Variants in DNAH7 observed in about 807,000 individuals in gnomAD.
DNAH7 encodes dynein axonemal heavy chain 7.
A neutral mutation model predicts 444.6 loss-of-function variants in DNAH7; 397 were observed. The ratio of observed to expected loss-of-function variants is 0.89; its 90% CI spans 0.82 to 0.97. The LOEUF is 0.97. Ranked by LOEUF, DNAH7 falls within the 50% of genes least tolerant of loss-of-function variation. DNAH7 has a pLI of 0.00. For missense variants in DNAH7, 4,902 were observed against 4,800.8 expected, an observed-to-expected ratio of 1.02 and a Z score of -0.62; for synonymous variants, 1,636 against 1,624.4, an observed-to-expected ratio of 1.01 and a Z score of -0.17.
chr2:195,948,873 T>C (rs528277437), intron 19 of DNAH7, among the ~76,000 whole-genome samples: 2 of 152,330 alleles, frequency 1.3e-5, no homozygotes, highest in East Asian at 1.9e-4. Flanking sequence ...AATCTATTAA[T>C]TACTTTGGGC....
At chr2:195,953,143 G>C (rs554450267) in intron 19 of DNAH7, among the ~76,000 whole-genome samples, 1 of 152,204 alleles carries the variant, frequency 6.6e-6, no homozygotes, top group South Asian at 2.1e-4. Flanking sequence ...TGTTGATGTT[G>C]ATGCTAATCC....
At chr2:195,933,666 G>T (rs549633866) in intron 21 of DNAH7, among the ~76,000 whole-genome samples, 1 of 146,352 alleles carries the variant, frequency 6.8e-6, no homozygotes, top group Non-Finnish European at 1.5e-5. Context: ...ACCAAACACC[G>T]CATGTTCTCA....
At position 195,864,653 on chromosome 2, in the gene DNAH7, G is replaced by A. The variant is rs779172371; in HGVS notation, c.7002C>T (p.Arg2334=). 4 of 1,614,080 alleles carry A rather than the reference G, an allele frequency of 2.5e-6. No individual in the cohort carries two copies. In the African/African-American group the frequency reaches 5.3e-5, roughly 22 times the overall value. The change falls in exon 41 of 65, where the codon CGC becomes CGT. Residue 2334 remains arginine, a synonymous_variant. Coordinates refer to ENST00000312428, the MANE Select transcript of DNAH7 (RefSeq NM_018897.3). ...CAACCCCTACTAGGAGAGCATGGCT[G>A]CGAGGCTGCTTCAGGATCCTGGAAA... ...SRISRILKQP[R]SHALLVGVGG... is the part of the protein sequence containing the mutation.
chr2:195,845,891 A>G (rs1182142600), intron 46 of DNAH7, among the ~76,000 whole-genome samples: 1 of 152,250 alleles, frequency 6.6e-6, no homozygotes, highest in Non-Finnish European at 1.5e-5. Context: ...TGTAAAACCT[A>G]AAACTATAAA....
intron 49 of DNAH7, among the ~76,000 whole-genome samples, chr2:195,818,514 C>CT (rs200035800): frequency 4.6e-5 from 7 of 152,216 alleles, no homozygotes; most frequent in Admixed American, 2.6e-4. Context: ...GCTGAGGACT[C>CT]TTTTTTTAAA....
intron 4 of DNAH7, 77 bp from the exon 5 acceptor site, chr2:196,047,576 G>T (rs1669068925): frequency 1.6e-5 from 20 of 1,219,852 alleles, no homozygotes; most frequent in Admixed American, 2.8e-5. Context: ...CTTAAAATAA[G>T]ATGCTAAATC....
At chr2:195,865,145 A>G in intron 40 of DNAH7, 124 bp from the exon 41 acceptor site, 1 of 878,720 alleles carries the variant, frequency 1.1e-6, no homozygotes, top group Non-Finnish European at 1.7e-6. Flanking sequence ...TATTAAAAGT[A>G]TATCCAAATA....
chr2:196,008,410 A>T (rs1694515945), intron 10 of DNAH7, among the ~76,000 whole-genome samples: 1 of 152,196 alleles, frequency 6.6e-6, no homozygotes, highest in Non-Finnish European at 1.5e-5. Context: ...CATATAACCC[A>T]GCAATTTCAC....
intron 29 of DNAH7, among the ~76,000 whole-genome samples, chr2:195,896,768 CTT>C (rs1702343468): frequency 6.6e-6 from 1 of 152,184 alleles, no homozygotes; most frequent in Non-Finnish European, 1.5e-5. Flanking sequence ...AATCTGAACT[CTT>C]TCCTTGTTGA....
At chr2:195,876,053 C>A (rs963532947) in intron 37 of DNAH7, among the ~76,000 whole-genome samples, 2 of 152,152 alleles carry the variant, frequency 1.3e-5, no homozygotes, top group Non-Finnish European at 1.5e-5. Context: ...ATTCTCATTA[C>A]TAATCTTCGT....
At chr2:195,848,916 T>C (rs1446786233) in intron 46 of DNAH7, among the ~76,000 whole-genome samples, 4 of 152,242 alleles carry the variant, frequency 2.6e-5, no homozygotes, top group Non-Finnish European at 4.4e-5. Flanking sequence ...TTTTTAACTG[T>C]TATTTAAAAT....
chr2:195,939,118 G>T (rs1346673990), intron 19 of DNAH7, among the ~76,000 whole-genome samples: 2 of 152,050 alleles, frequency 1.3e-5, no homozygotes, highest in African/African-American at 4.8e-5. Flanking sequence ...TATTTGAAGT[G>T]ACTAATATGG....
Position 196,043,900 on chromosome 2 carries a change from A to C in DNAH7, c.398+3452T>G, listed in dbSNP as rs1412301059. On this transcript the variant is annotated intron_variant, in intron 5 of 64. Transcript: ENST00000312428. Reference sequence around the variant, plus strand: ...AATGGCCATAATTTAAAAATCAAAAAATAATAGATGTTGGCGTGGATGTGT... The same window carrying C: ...AATGGCCATAATTTAAAAATCAAAACATAATAGATGTTGGCGTGGATGTGT... 3.9e-5 allele frequency among the ~76,000 whole-genome samples: 6 copies of C among 152,098 alleles called. No homozygotes were observed. The East Asian group carries it at 9.6e-4, about 24-fold the overall frequency.
In DNAH7 at chr2:195,873,678, T is replaced by C; in HGVS notation, c.6303A>G (p.Pro2101=). ...AATGTCGCATGTATCGAGGAGTTAC[T>C]GGATTTCGACCACCACCTAAATATT... ...AMGPPGGGRN[P]VTPRYMRHFN... Residue 2101 remains proline, a synonymous_variant, in exon 39 of 65, where the codon CCA becomes CCG. Transcript: ENST00000312428. The C allele has an allele frequency of 6.5e-7, 1 of 1,532,732 alleles. No individual in the cohort carries two copies. Among genetic ancestry groups the C allele is most frequent in the Non-Finnish European group, 8.7e-7 (1 of 1,148,344 alleles). The allele number at this position is 1,532,732 out of a possible 1,614,324, so 94.9% of individuals were successfully genotyped here. A position where few individuals can be genotyped will look rare whatever the true frequency, so the allele number is the denominator to read the frequency against.
At chr2:195,792,774 T>A (rs1574443284) in intron 57 of DNAH7, among the ~76,000 whole-genome samples, 1 of 152,012 alleles carries the variant, frequency 6.6e-6, no homozygotes, top group East Asian at 1.9e-4. Context: ...CTTATCTAAT[T>A]TACATGCACC....
chr2:195,747,533 C>A (rs1323800824), intron 63 of DNAH7, among the ~76,000 whole-genome samples: 7 of 151,874 alleles, frequency 4.6e-5, no homozygotes, highest in African/African-American at 1.5e-4. Context: ...GAGACACAAC[C>A]AAAAAAGAGA....
At chr2:195,957,866 T>C (rs1690797999) in intron 18 of DNAH7, among the ~76,000 whole-genome samples, 1 of 152,150 alleles carries the variant, frequency 6.6e-6, no homozygotes, top group Non-Finnish European at 1.5e-5. Flanking sequence ...GCTATCTAGT[T>C]CCATGGCTAG....
At chr2:196,014,083 T>C (rs897173671) in intron 9 of DNAH7, among the ~76,000 whole-genome samples, 5 of 152,198 alleles carry the variant, frequency 3.3e-5, no homozygotes, top group Non-Finnish European at 5.9e-5. Flanking sequence ...AACTTTCCCA[T>C]GAAATCTCTG....
At chr2:195,993,531 T>C (rs1693488298) in intron 12 of DNAH7, among the ~76,000 whole-genome samples, 1 of 152,144 alleles carries the variant, frequency 6.6e-6, no homozygotes, top group African/African-American at 2.4e-5. Context: ...GCACAGTTTA[T>C]GGAGATAGAA....
Sources: allele counts gnomAD v4.1 joint callset (sites outside exome capture counted in the v4.1 genomes callset), GRCh38; gene constraint gnomAD v4.1.1; transcripts MANE v1.5; gene names NCBI Gene and HGNC (gene_info 2026-07-23, HGNC 2026-07-21).